DERA: variants seen among roughly 807,000 people sequenced by gnomAD.
DERA encodes 2-deoxy-D-ribose 5-phosphate aldolase.
In DERA, 15 loss-of-function variants were observed where a neutral mutation model predicts 41.1. The ratio of observed to expected loss-of-function variants is 0.37; its 90% CI spans 0.24 to 0.56. DERA has a LOEUF of 0.56. Ranked by LOEUF, DERA falls within the 20% of genes least tolerant of loss-of-function variation. The pLI is 0.81. For missense variants in DERA, 396 were observed against 403.4 expected (o/e 0.98, Z 0.16); for synonymous variants, 139 against 137.4 (o/e 1.01, Z -0.08).
chr12:15,990,677 C>A lies in DERA; in HGVS notation c.637+8241C>A, dbSNP rs1948795940. On this transcript the variant is annotated intron_variant, in intron 6 of 8. Transcript: ENST00000428559. The surrounding 1 kb of genome is among the most constrained non-coding windows in gnomAD (Gnocchi z 4.3). ...TCTATGTGTTGTCATCATTTAGCTC[C>A]CACTTATAAGTGAGAGCATTTGGTA... Among the ~76,000 whole-genome samples the A allele has an allele frequency of 6.6e-6, 1 of 152,116 alleles. No homozygotes were observed.
chr12:16,005,310 G>T (rs755741078), intron 6 of DERA, among the ~76,000 whole-genome samples: 20 of 152,092 alleles, frequency 1.3e-4, no homozygotes, highest in Non-Finnish European at 2.8e-4. Context: ...GCAGGGCACG[G>T]TAAGGCGCAC....
chr12:16,023,386 G>C (rs1046745643), intron 6 of DERA, among the ~76,000 whole-genome samples: 6 of 148,204 alleles, frequency 4.0e-5, no homozygotes, highest in Non-Finnish European at 8.9e-5. Flanking sequence ...AGGCCCATTT[G>C]TTTTTGTTCA....
intron 1 of DERA, among the ~76,000 whole-genome samples, chr12:15,946,085 A>G (rs1215569096): frequency 3.3e-5 from 5 of 152,240 alleles, no homozygotes; most frequent in Admixed American, 6.5e-5. Flanking sequence ...AGCCCACTTG[A>G]TCATGGTGGA....
At position 15,984,535 on chromosome 12, in the gene DERA, G is replaced by A. The variant is rs751268435; in HGVS notation, c.637+2099G>A. ...AGGTACATTGAAACAATATTCCTTC[G>A]TCCTCACATCAGTCCTGGAGTGGAA... is the stretch of plus-strand genomic sequence containing the variant. On this transcript the variant is annotated intron_variant, in intron 6 of 8. Coordinates refer to ENST00000428559, the MANE Select transcript of DERA (RefSeq NM_015954.4). The surrounding 1 kb of genome is among the most constrained non-coding windows in gnomAD (Gnocchi z 4.5). Among the ~76,000 whole-genome samples, 6 of 152,006 alleles carry A rather than the reference G, an allele frequency of 3.9e-5. No individual in the cohort carries two copies. The highest frequency in any genetic ancestry group is 1.2e-4 in the African/African-American group (5 of 41,386).
At position 15,968,372 on chromosome 12, in the gene DERA, A is replaced by C. The variant is rs76324467; in HGVS notation, c.508+5425A>C. The stretch of plus-strand genomic sequence containing the variant: ...TCTGGTGAATTTAGCTAAGAAGTGC[A>C]TCTGCTTCCTGTGCTCTTGAGAAAA... On this transcript the variant is annotated intron_variant, in intron 5 of 8. Coordinates refer to ENST00000428559, the MANE Select transcript of DERA (RefSeq NM_015954.4). Among the ~76,000 whole-genome samples the C allele has an allele frequency of 1.0e-3, 158 of 152,294 alleles. 1 individual carries two copies. In the East Asian group the frequency reaches 0.024, roughly 23 times the overall value.
chr12:16,033,625 T>TGTGTG (rs1949108572), intron 7 of DERA, among the ~76,000 whole-genome samples: 1 of 58,950 alleles, frequency 1.7e-5, no homozygotes, highest in Non-Finnish European at 4.0e-5. Context: ...GTGTGTGTGT[T>TGTGTG]TAATGACACT....
intron 4 of DERA, among the ~76,000 whole-genome samples, chr12:15,962,076 GT>G (rs1158635320): frequency 6.6e-6 from 1 of 152,142 alleles, no homozygotes. Flanking sequence ...AACATGACAG[GT>G]TTTTTTAGAA....
rs1251214035 is a variant in DERA, at chr12:15,982,566, T to C, written c.637+130T>C. 5 of 983,450 alleles carry C rather than the reference T, an allele frequency of 5.1e-6. No individual in the cohort carries two copies. The highest frequency in any genetic ancestry group is 1.8e-5 in the South Asian group (1 of 54,738). The allele number at this position is 983,450 out of a possible 1,614,324, so 60.9% of individuals were successfully genotyped here. On this transcript the variant is annotated intron_variant, in intron 6 of 8. Coordinates refer to ENST00000428559, the MANE Select transcript of DERA (RefSeq NM_015954.4). This position sits in a 1 kb window ranked among gnomAD's most constrained non-coding sequence, Gnocchi z 4.0. ...GAATTTTTTTGCGGGAGGAATCGGA[T>C]ATTTTGTAAAAACATGTTCAATGTG...
chr12:15,987,831 C>T (rs1948775324), intron 6 of DERA, among the ~76,000 whole-genome samples: 1 of 152,070 alleles, frequency 6.6e-6, no homozygotes, highest in Non-Finnish European at 1.5e-5. Context: ...CTTGGCCCGG[C>T]AGGCTGCACT....
At position 15,988,493 on chromosome 12, in the gene DERA, G is replaced by A. The variant is rs1948780070; in HGVS notation, c.637+6057G>A. Among the ~76,000 whole-genome samples, 1 of 152,268 alleles carries A rather than the reference G, an allele frequency of 6.6e-6. No individual in the cohort carries two copies. The highest frequency in any genetic ancestry group is 6.5e-5 in the Admixed American group (1 of 15,284). The stretch of plus-strand genomic sequence containing the variant: ...GTGGGTAGCTCCTTTTTGCAGGCAG[G>A]TCGTCCCTGTGAGTGTGTGAGTCTG... On this transcript the variant is annotated intron_variant, in intron 6 of 8. Transcript: ENST00000428559. The surrounding 1 kb of genome is among the most constrained non-coding windows in gnomAD (Gnocchi z 6.0).
chr12:15,925,844 T>G, intron 1 of DERA, among the ~76,000 whole-genome samples: 1 of 137,870 alleles, frequency 7.3e-6, no homozygotes, highest in East Asian at 2.1e-4. Context: ...TTTTTTTTTT[T>G]TGAGACAGAG....
At chr12:15,926,355 C>T (rs539456556) in intron 1 of DERA, among the ~76,000 whole-genome samples, 14 of 152,106 alleles carry the variant, frequency 9.2e-5, no homozygotes, top group South Asian at 2.1e-4. Flanking sequence ...ATAAACTTTT[C>T]GATTCCTCCC....
rs1278041551 is a variant in DERA, at chr12:16,010,350, CAT to C, written c.638-22191_638-22190del. Among the ~76,000 whole-genome samples, 1 of 152,144 alleles carries C rather than the reference CAT, an allele frequency of 6.6e-6. No homozygotes were observed. The highest frequency in any genetic ancestry group is 1.5e-5 in the Non-Finnish European group (1 of 68,040). On this transcript the variant is annotated intron_variant, in intron 6 of 8. Coordinates refer to ENST00000428559, the MANE Select transcript of DERA (RefSeq NM_015954.4). This position sits in a 1 kb window ranked among gnomAD's most constrained non-coding sequence, Gnocchi z 5.5. ...CCTTCTCCTTGCTTTCTCCTTGCCT[CAT>C]GTGTCTTCAGGAATTTGTGAATGAT...
At position 15,967,247 on chromosome 12, in the gene DERA, T is replaced by C. The variant is rs374246707; in HGVS notation, c.508+4300T>C. On this transcript the variant is annotated intron_variant, in intron 5 of 8. Transcript: ENST00000428559. This position sits in a 1 kb window ranked among gnomAD's most constrained non-coding sequence, Gnocchi z 4.9. ...TGTGGTATGCGCCTGTAGTCCCAGC[T>C]ACTCAAGGTTGGGCCTGAGATGGGA... Among the ~76,000 whole-genome samples the C allele has an allele frequency of 6.6e-6, 1 of 151,904 alleles. No individual in the cohort carries two copies. Among genetic ancestry groups the C allele is most frequent in the Non-Finnish European group, 1.5e-5 (1 of 67,986 alleles).
intron 6 of DERA, among the ~76,000 whole-genome samples, chr12:16,031,745 G>C (rs1230479449): frequency 6.6e-6 from 1 of 152,150 alleles, no homozygotes; most frequent in East Asian, 1.9e-4. Context: ...TGTGATCTCA[G>C]GTAACTTACT....
At chr12:15,942,827 T>A (rs951842596) in intron 1 of DERA, among the ~76,000 whole-genome samples, 3 of 151,928 alleles carry the variant, frequency 2.0e-5, no homozygotes, top group African/African-American at 7.3e-5. Flanking sequence ...GAAGCTGGAG[T>A]CTCCCAAATG....
At position 15,911,513 on chromosome 12, in the gene DERA, C is replaced by T. The variant is rs1948163463; in HGVS notation, c.31+99C>T. ...GCCGCCCAGTGCCCTGGCTGTGGGTCCCCGAGGGGTTTTCGCTGGGGCGGG... is the reference window on the plus strand; with the variant it reads ...GCCGCCCAGTGCCCTGGCTGTGGGTTCCCGAGGGGTTTTCGCTGGGGCGGG... On this transcript the variant is annotated intron_variant, in intron 1 of 8. Coordinates refer to ENST00000428559, the MANE Select transcript of DERA (RefSeq NM_015954.4). This position sits in a 1 kb window ranked among gnomAD's most constrained non-coding sequence, Gnocchi z 4.5. 8.2e-7 allele frequency: 1 copy of T among 1,218,624 alleles called. No homozygotes were observed. The highest frequency in any genetic ancestry group is 1.1e-6 in the Non-Finnish European group (1 of 902,686). 75.5% of individuals were successfully genotyped at this position (1,218,624 alleles called of 1,614,324 possible).
rs1388452158 is a variant in DERA, at chr12:16,014,400, C to T, written c.638-18142C>T. Among the ~76,000 whole-genome samples the T allele has an allele frequency of 2.0e-5, 3 of 152,142 alleles. No homozygotes were observed. Among genetic ancestry groups the T allele is most frequent in the Admixed American group, 6.5e-5 (1 of 15,272 alleles). ...CAGGACTTGGTGCCCTGCATCCCGG[C>T]CGTGGCTAAAAGAAGCCAATGTACA... On this transcript the variant is annotated intron_variant, in intron 6 of 8. Coordinates refer to ENST00000428559, the MANE Select transcript of DERA (RefSeq NM_015954.4). This position sits in a 1 kb window ranked among gnomAD's most constrained non-coding sequence, Gnocchi z 5.4.
intron 5 of DERA, among the ~76,000 whole-genome samples, chr12:15,968,086 CTTT>C (rs368286741): frequency 7.0e-6 from 1 of 141,882 alleles, no homozygotes. Context: ...TCTTCTTCTT[CTTT>C]TTTTTTTTTT....
Sources: gnomAD v4.1 joint callset for allele counts (sites outside exome capture counted in the v4.1 genomes callset) on GRCh38, gnomAD v4.1.1 for gene constraint, Gnocchi (gnomAD v3.1) non-coding constraint, MANE v1.5 for transcripts, NCBI Gene and HGNC (gene_info 2026-07-23, HGNC 2026-07-21) for gene names.